The following MAPDA variants were observed in gnomAD, a reference collection of about 807,000 sequenced individuals.
MAPDA encodes N6,N6-dimethyl-AMP deaminase.
At chr15:43,351,778 C>T in the MAPDA span, 1 of 1,550,008 alleles carries the variant, frequency 6.5e-7, no homozygotes, top group South Asian at 1.2e-5. Flanking sequence ...TTTTGCAACA[C>T]ACCTTTCTCA....
chr15:43,343,823 C>A, the MAPDA span, among the ~76,000 whole-genome samples: 1 of 151,414 alleles, frequency 6.6e-6, no homozygotes, highest in African/African-American at 2.4e-5. Context: ...AGAAAAAAAG[C>A]TAGCTGTATA....
At chr15:43,345,369 A>AAAT in the MAPDA span, among the ~76,000 whole-genome samples, 1 of 145,024 alleles carries the variant, frequency 6.9e-6, no homozygotes, top group Non-Finnish European at 1.5e-5. Flanking sequence ...AAAAAAAAAA[A>AAAT]AAATAGGACA....
chr15:43,340,365 C>G, the MAPDA span: 11 of 1,605,346 alleles, frequency 6.9e-6, no homozygotes. Flanking sequence ...AGAATTTATA[C>G]TTCTCAGCAA....
chr15:43,353,510 T>G, the MAPDA span: 2 of 152,180 alleles, frequency 1.3e-5, no homozygotes, highest in African/African-American at 2.4e-5. Flanking sequence ...CCTAAAATCC[T>G]TAGAGTCTCC....
the MAPDA span, chr15:43,335,747 T>G: frequency 6.2e-7 from 1 of 1,613,870 alleles, no homozygotes; most frequent in Non-Finnish European, 8.5e-7. Context: ...CATGAAGAAA[T>G]TAATAGCCCA....
chr15:43,352,526 T>G, the MAPDA span: 1 of 152,000 alleles, frequency 6.6e-6, no homozygotes, highest in Non-Finnish European at 1.5e-5. Context: ...AAACCCTGTC[T>G]CTACAAAAAC....
the MAPDA span, chr15:43,334,901 T>G: frequency 2.1e-6 from 1 of 470,086 alleles, no homozygotes; most frequent in Non-Finnish European, 3.7e-6. Flanking sequence ...AAAATCCTGT[T>G]TCTTTGCTTT....
the MAPDA span, chr15:43,343,165 A>G: frequency 4.5e-6 from 4 of 888,370 alleles, no homozygotes; most frequent in Non-Finnish European, 6.6e-6. Context: ...GATTTTTTAA[A>G]ATTAATCATT....
At chr15:43,347,520 G>C in the MAPDA span, among the ~76,000 whole-genome samples, 1 of 152,178 alleles carries the variant, frequency 6.6e-6, no homozygotes, top group South Asian at 2.1e-4. Context: ...GCCCAGCAAA[G>C]AGGTCCAGTG....
chr15:43,345,843 T>C, the MAPDA span: 2 of 1,614,094 alleles, frequency 1.2e-6, no homozygotes, highest in Non-Finnish European at 1.7e-6. Flanking sequence ...TCTGTCTTTC[T>C]TACATTAAAG....
chr15:43,331,942 A>T, the MAPDA span: 2 of 152,250 alleles, frequency 1.3e-5, no homozygotes, highest in Non-Finnish European at 2.9e-5. Flanking sequence ...CTGTGAGGGA[A>T]ACCAGCTAGT....
At chr15:43,339,770 C>G in the MAPDA span, among the ~76,000 whole-genome samples, 1 of 152,154 alleles carries the variant, frequency 6.6e-6, no homozygotes, top group Non-Finnish European at 1.5e-5. Context: ...TTAACCCTGC[C>G]AGAATTTATT....
the MAPDA span, chr15:43,336,571 T>C: frequency 1.5e-6 from 2 of 1,376,948 alleles, no homozygotes; most frequent in African/African-American, 1.5e-5. Context: ...ATTCATTCAG[T>C]TAGTGAGTTT....
chr15:43,350,250 G>A, the MAPDA span, among the ~76,000 whole-genome samples: 2 of 109,252 alleles, frequency 1.8e-5, no homozygotes, highest in African/African-American at 3.5e-5. Flanking sequence ...TTTTTTTTTT[G>A]TATTTTTTTA....
the MAPDA span, among the ~76,000 whole-genome samples, chr15:43,338,286 A>C: frequency 6.6e-6 from 1 of 152,232 alleles, no homozygotes; most frequent in Non-Finnish European, 1.5e-5. Flanking sequence ...AGAGATTGTA[A>C]ATGTAGAACT....
At chr15:43,338,281 T>C in the MAPDA span, among the ~76,000 whole-genome samples, 1 of 152,110 alleles carries the variant, frequency 6.6e-6, no homozygotes, top group African/African-American at 2.4e-5. Flanking sequence ...AACTAAGAGA[T>C]TGTAAATGTA....
At chr15:43,340,133 A>C in the MAPDA span, 1 of 743,664 alleles carries the variant, frequency 1.3e-6, no homozygotes, top group South Asian at 1.9e-5. Context: ...GATAATCTCT[A>C]CCACGTGAGA....
At chr15:43,348,858 A>G in the MAPDA span, 1 of 1,585,692 alleles carries the variant, frequency 6.3e-7, no homozygotes, top group Non-Finnish European at 8.6e-7. Flanking sequence ...AAATACTCTT[A>G]AGAACCACTG....
chr15:43,332,743 T>A, the MAPDA span, among the ~76,000 whole-genome samples: 1 of 152,150 alleles, frequency 6.6e-6, no homozygotes, highest in African/African-American at 2.4e-5. Context: ...AATTTTTTTT[T>A]ATTCTGAGTT....
Sources: gnomAD v4.1 joint callset for allele counts (sites outside exome capture counted in the v4.1 genomes callset) on GRCh38, gnomAD v4.1.1 for gene constraint, MANE v1.5 for transcripts, NCBI Gene and HGNC (gene_info 2026-07-23, HGNC 2026-07-21) for gene names.